The following OSBPL3 variants were observed in gnomAD, a reference collection of about 807,000 sequenced individuals.
The protein encoded by OSBPL3 is oxysterol binding protein like 3.
A neutral mutation model predicts 120.1 loss-of-function variants in OSBPL3; 65 were observed. That is an observed-to-expected ratio of 0.54 (90% CI 0.44 to 0.67). OSBPL3 has a LOEUF of 0.67. Ranked by LOEUF, OSBPL3 falls within the 30% of genes least tolerant of loss-of-function variation. The probability of loss-of-function intolerance (pLI) is 0.00; values close to 1 mark genes in which losing one functional copy is unlikely to be tolerated. For synonymous variants in OSBPL3, 416 were observed against 402.6 expected, an observed-to-expected ratio of 1.03 and a Z score of -0.40; for missense variants, 1,004 against 1,082.1, an observed-to-expected ratio of 0.93 and a Z score of 1.01.
intron 1 of OSBPL3, among the ~76,000 whole-genome samples, chr7:24,897,102 AAGGC>A (rs202118110): frequency 1.7e-4 from 26 of 151,562 alleles, no homozygotes; most frequent in African/African-American, 2.9e-4. Flanking sequence ...GGGAGGAAGG[AAGGC>A]AGGCAGGCAG....
chr7:24,895,444 C>G (rs1389802567), intron 1 of OSBPL3, among the ~76,000 whole-genome samples: 1 of 152,176 alleles, frequency 6.6e-6, no homozygotes, highest in Admixed American at 6.5e-5. Context: ...GCTAAGTATA[C>G]TCTATGATGT....
chr7:24,801,177 G>C (rs1341823548), intron 22 of OSBPL3, among the ~76,000 whole-genome samples: 1 of 142,054 alleles, frequency 7.0e-6, no homozygotes, highest in Non-Finnish European at 1.5e-5. Flanking sequence ...GAAGGCAGAG[G>C]TTGCAGCAGA....
At chr7:24,941,648 C>A (rs1813124638) in intron 1 of OSBPL3, among the ~76,000 whole-genome samples, 1 of 152,166 alleles carries the variant, frequency 6.6e-6, no homozygotes, top group Non-Finnish European at 1.5e-5. Context: ...GACAGTATTC[C>A]CACCACTAAA....
Position 24,809,809 on chromosome 7 carries a change from G to A in OSBPL3, c.2315C>T (p.Ala772Val). The change falls in exon 20 of 23, where the codon GCA (alanine) becomes GTA (valine). Residue 772 changes from alanine (A) to valine (V), a missense_variant and splice_region_variant. This residue lies in a region of OSBPL3 where 473 missense variants were observed against 568.0 expected (regional missense o/e 0.83). Transcript: ENST00000313367. ...GGTCCACAAACCCAGACACTCACTT[G>A]CTCTCCATACACAGGCAGAAGAGGA... ...GGSSSACVWR[A>V]NPMPKGYEQY... The A allele has an allele frequency of 6.2e-7, 1 of 1,614,040 alleles. No homozygotes were observed. The highest frequency in any genetic ancestry group is 8.5e-7 in the Non-Finnish European group (1 of 1,179,974).
Position 24,834,757 on chromosome 7 carries a change from G to C in OSBPL3, c.1496-21C>G. 6.4e-7 allele frequency: 1 copy of C among 1,567,410 alleles called. No homozygotes were observed. Among genetic ancestry groups the C allele is most frequent in the Non-Finnish European group, 8.6e-7 (1 of 1,162,712 alleles). On this transcript the variant is annotated intron_variant, in intron 14 of 22. Coordinates refer to ENST00000313367, the MANE Select transcript of OSBPL3 (RefSeq NM_015550.4). The surrounding 1 kb of genome is among the most constrained non-coding windows in gnomAD (Gnocchi z 5.2). Reference sequence around the variant, plus strand: ...AGGCCCTGAAAGGGAAAGAGGCCTGGTTGTCTCTATAAAGCTTTTCATTTT... The same window carrying C: ...AGGCCCTGAAAGGGAAAGAGGCCTGCTTGTCTCTATAAAGCTTTTCATTTT...
chr7:24,953,827 A>C lies in OSBPL3; in HGVS notation c.-150+26059T>G, dbSNP rs1220280103. ...TTAAATGTTCAACGGCATGAACTAG[A>C]AGCAGGCAGCATGTATCCCAGGAAT... On this transcript the variant is annotated intron_variant, in intron 1 of 22. Transcript: ENST00000313367. This position sits in a 1 kb window ranked among gnomAD's most constrained non-coding sequence, Gnocchi z 4.3. Among the ~76,000 whole-genome samples, 1 of 152,256 alleles carries C rather than the reference A, an allele frequency of 6.6e-6. No homozygotes were observed. The highest frequency in any genetic ancestry group is 1.5e-5 in the Non-Finnish European group (1 of 68,038).
At chr7:24,944,677 C>T (rs1813509950) in intron 1 of OSBPL3, among the ~76,000 whole-genome samples, 1 of 151,350 alleles carries the variant, frequency 6.6e-6, no homozygotes, top group African/African-American at 2.4e-5. Context: ...CTCAATAAAC[C>T]AAATTATCCT....
Position 24,959,890 on chromosome 7 carries a change from G to A in OSBPL3, c.-150+19996C>T, listed in dbSNP as rs745525387. Among the ~76,000 whole-genome samples the A allele has an allele frequency of 9.2e-5, 14 of 152,080 alleles. No individual in the cohort carries two copies. The highest frequency in any genetic ancestry group is 4.8e-5 in the African/African-American group (2 of 41,398). On this transcript the variant is annotated intron_variant, in intron 1 of 22. Coordinates refer to ENST00000313367, the MANE Select transcript of OSBPL3 (RefSeq NM_015550.4). The surrounding 1 kb of genome is among the most constrained non-coding windows in gnomAD (Gnocchi z 4.3). ...GAACAAAAAAGAATTTTCTATTTCC[G>A]AAACAATGCATGAGTCACAAATGGT...
intron 2 of OSBPL3, among the ~76,000 whole-genome samples, chr7:24,886,326 T>C: frequency 6.6e-6 from 1 of 152,272 alleles, no homozygotes; most frequent in East Asian, 1.9e-4. Context: ...GCTGCGTCTT[T>C]ACTTTTGTTC....
Position 24,871,121 on chromosome 7 carries a change from A to G in OSBPL3, c.268-276T>C, listed in dbSNP as rs1182446038. ...TACACAGCCAGGATGTGAGGAAACA[A>G]AAGAGTAAGCACCGTGGGTTGACTC... On this transcript the variant is annotated intron_variant, in intron 4 of 22. Coordinates refer to ENST00000313367, the MANE Select transcript of OSBPL3 (RefSeq NM_015550.4). The surrounding 1 kb of genome is among the most constrained non-coding windows in gnomAD (Gnocchi z 4.8). 6.6e-6 allele frequency among the ~76,000 whole-genome samples: 1 copy of G among 152,230 alleles called. No individual in the cohort carries two copies. The highest frequency in any genetic ancestry group is 1.5e-5 in the Non-Finnish European group (1 of 68,046).
chr7:24,958,923 T>TA (rs1815393439), intron 1 of OSBPL3, among the ~76,000 whole-genome samples: 1 of 152,220 alleles, frequency 6.6e-6, no homozygotes, highest in Non-Finnish European at 1.5e-5. Context: ...GTTTTTTGTT[T>TA]AATGTTTGTT....
At chr7:24,811,422 G>A (rs968174768) in intron 19 of OSBPL3, among the ~76,000 whole-genome samples, 17 of 151,948 alleles carry the variant, frequency 1.1e-4, no homozygotes, top group Admixed American at 8.5e-4. Flanking sequence ...ACCTCTTATC[G>A]GATGTATAGT....
In OSBPL3 at chr7:24,834,665, T is replaced by A; in HGVS notation, c.1567A>T (p.Ser523Cys). The change falls in exon 15 of 23, where the codon AGC (serine) becomes TGC (cysteine). Residue 523 changes from serine to cysteine, a missense_variant. Ser to Cys is a moderately radical substitution (Grantham distance 112). This residue lies in a region of OSBPL3 where 473 missense variants were observed against 568.0 expected (regional missense o/e 0.83). Coordinates refer to ENST00000313367, the MANE Select transcript of OSBPL3 (RefSeq NM_015550.4). The surrounding 1 kb of genome is among the most constrained non-coding windows in gnomAD (Gnocchi z 5.2). ...ATGTTCCACAGGCTGATGTTACTGC[T>A]GCTCGGGCAGGGCGCCGGCAGGCAC... is the stretch of plus-strand genomic sequence containing the variant. ...RTCLPAPCPS[S>C]SNISLWNILR... 1.2e-6 allele frequency: 2 copies of A among 1,614,198 alleles called. No individual in the cohort carries two copies. Among genetic ancestry groups the A allele is most frequent in the Non-Finnish European group, 1.7e-6 (2 of 1,180,010 alleles).
In OSBPL3 at chr7:24,951,031, C is replaced by A. The variant is rs543700513; in HGVS notation, c.-150+28855G>T. On this transcript the variant is annotated intron_variant, in intron 1 of 22. Coordinates refer to ENST00000313367, the MANE Select transcript of OSBPL3 (RefSeq NM_015550.4). ...ATTTATATGATATTGTGTCAAAGCC[C>A]CATTAAATGATCATTTAATATTCAA... is the stretch of plus-strand genomic sequence containing the variant. 1.3e-3 allele frequency among the ~76,000 whole-genome samples: 194 copies of A among 152,216 alleles called. 1 individual carries two copies. The highest frequency in any genetic ancestry group is 0.01 in the Middle Eastern group (3 of 294).
chr7:24,902,531 G>A (rs942174534), intron 1 of OSBPL3, among the ~76,000 whole-genome samples: 1 of 151,962 alleles, frequency 6.6e-6, no homozygotes, highest in Non-Finnish European at 1.5e-5. Context: ...TGCTCCCCAT[G>A]AGGCTGTGAT....
intron 2 of OSBPL3, among the ~76,000 whole-genome samples, chr7:24,888,134 G>A (rs1278994170): frequency 6.6e-6 from 1 of 152,126 alleles, no homozygotes; most frequent in African/African-American, 2.4e-5. Context: ...ATACACGTAT[G>A]ATACTGTAAA....
At chr7:24,944,545 A>G (rs6973097) in intron 1 of OSBPL3, among the ~76,000 whole-genome samples, 38,163 of 151,328 alleles carry the variant, frequency 0.25, 5,550 homozygotes, top group Non-Finnish European at 0.34. Flanking sequence ...CAGGAGAATC[A>G]CTTGAACCCA....
intron 19 of OSBPL3, among the ~76,000 whole-genome samples, chr7:24,811,107 T>A (rs1793743763): frequency 6.6e-6 from 1 of 152,246 alleles, no homozygotes; most frequent in South Asian, 2.1e-4. Flanking sequence ...ACTTCCATTC[T>A]GTTTTCCATA....
chr7:24,842,480 A>T, intron 12 of OSBPL3, 67 bp from the exon 13 acceptor site: 1 of 1,262,750 alleles, frequency 7.9e-7, no homozygotes, highest in Non-Finnish European at 1.1e-6. Flanking sequence ...AAAATAAATG[A>T]TTTAGTTGTA....
Sources: allele counts gnomAD v4.1 joint callset (sites outside exome capture counted in the v4.1 genomes callset), GRCh38; gene constraint gnomAD v4.1.1; regional missense constraint gnomAD v4.1.1; non-coding constraint Gnocchi (gnomAD v3.1); transcripts MANE v1.5; gene names NCBI Gene and HGNC (gene_info 2026-07-23, HGNC 2026-07-21).